Variants in ADGRL2 observed in about 807,000 individuals in gnomAD.
The protein encoded by ADGRL2 is calcium-independent alpha-latrotoxin receptor 2.
In ADGRL2, 44 loss-of-function variants were observed where a neutral mutation model predicts 157.4. The observed-to-expected ratio is 0.28, with a 90% CI of 0.22 to 0.36. The LOEUF is 0.36. Among genes scored for constraint, ADGRL2 ranks in the 10% least tolerant of loss-of-function variants. The probability of loss-of-function intolerance (pLI) is 1.00; values close to 1 mark genes in which losing one functional copy is unlikely to be tolerated. For missense variants in ADGRL2, 1,510 were observed against 1,768.9 expected, an observed-to-expected ratio of 0.85 and a Z score of 2.63; for synonymous variants, 585 against 624.7, an observed-to-expected ratio of 0.94 and a Z score of 0.95.
chr1:81,565,378 T>A (rs1008819860), intron 2 of ADGRL2, among the ~76,000 whole-genome samples: 19 of 152,184 alleles, frequency 1.2e-4, no homozygotes, highest in Non-Finnish European at 2.5e-4. Context: ...GCAATAAATA[T>A]CTTTGGAATA....
intron 2 of ADGRL2, among the ~76,000 whole-genome samples, chr1:81,496,716 T>C (rs557679923): frequency 6.6e-5 from 10 of 151,964 alleles, no homozygotes; most frequent in African/African-American, 2.4e-4. Flanking sequence ...AAAGAAATTT[T>C]ATAGTGCTTA....
chr1:81,620,720 T>A, intron 3 of ADGRL2, among the ~76,000 whole-genome samples: 1 of 152,272 alleles, frequency 6.6e-6, no homozygotes, highest in East Asian at 1.9e-4. Flanking sequence ...AGGAACAGTT[T>A]AGTTGAGGAG....
At chr1:81,454,787 A>G (rs185759615) in intron 2 of ADGRL2, among the ~76,000 whole-genome samples, 3 of 152,236 alleles carry the variant, frequency 2.0e-5, no homozygotes, top group Admixed American at 2.0e-4. Context: ...TTTCTTTTCT[A>G]TGGCCTCTGG....
rs1391241414 is a variant in ADGRL2, at chr1:81,993,542, G to C, written c.*2397G>C. Among the ~76,000 whole-genome samples, 1 of 152,020 alleles carries C rather than the reference G, an allele frequency of 6.6e-6. No homozygotes were observed. The highest frequency in any genetic ancestry group is 2.1e-4 in the South Asian group (1 of 4,822). ...ACCTAAATGGCTACTGTTCTCTAAC[G>C]TCTTTATCCTATGGATTCAATTTGG... On this transcript the variant is annotated 3_prime_UTR_variant, in exon 24 of 24. Transcript: ENST00000686636.
At chr1:81,789,347 A>G (rs983781111) in intron 2 of ADGRL2, among the ~76,000 whole-genome samples, 8 of 152,226 alleles carry the variant, frequency 5.3e-5, no homozygotes, top group Admixed American at 5.2e-4. Flanking sequence ...AAAATTCCAT[A>G]TCATCTAAGA....
intron 2 of ADGRL2, among the ~76,000 whole-genome samples, chr1:81,785,040 A>G (rs538545447): frequency 4.6e-5 from 7 of 152,256 alleles, no homozygotes; most frequent in African/African-American, 1.7e-4. Flanking sequence ...TGGGGGAAAA[A>G]AAAGAGAAAA....
At chr1:81,669,942 C>CAA (rs11389637) in intron 3 of ADGRL2, among the ~76,000 whole-genome samples, 1,318 of 87,638 alleles carry the variant, frequency 0.015, 46 homozygotes, top group East Asian at 0.088. Flanking sequence ...GACTACGTCT[C>CAA]AAAAAAAAAA....
intron 2 of ADGRL2, among the ~76,000 whole-genome samples, chr1:81,871,380 T>TGCTG (rs201960268): frequency 0.08 from 12,125 of 152,182 alleles, 709 homozygotes; most frequent in Admixed American, 0.18. Flanking sequence ...TAGTGAATAG[T>TGCTG]GCTGCAATAA....
At chr1:81,910,124 C>T (rs2094681330) in intron 3 of ADGRL2, among the ~76,000 whole-genome samples, 1 of 151,842 alleles carries the variant, frequency 6.6e-6, no homozygotes, top group Non-Finnish European at 1.5e-5. Context: ...CCTGTAATCC[C>T]AGCTACTTGG....
chr1:81,907,000 T>C lies in ADGRL2; in HGVS notation c.74-17T>C. On this transcript the variant is annotated splice_polypyrimidine_tract_variant and intron_variant, in intron 2 of 23. Transcript: ENST00000686636. ...TAAATGAGTTACAGTTTAATTTTCT[T>C]TCTTTTTTATTTTAAGGTTTCAGCA... is the stretch of plus-strand genomic sequence containing the variant. The C allele has an allele frequency of 6.3e-7, 1 of 1,595,458 alleles. No individual in the cohort carries two copies. Among genetic ancestry groups the C allele is most frequent in the Non-Finnish European group, 8.6e-7 (1 of 1,164,800 alleles).
chr1:81,312,592 C>G (rs928337672), intron 1 of ADGRL2, among the ~76,000 whole-genome samples: 3 of 152,160 alleles, frequency 2.0e-5, no homozygotes, highest in Non-Finnish European at 4.4e-5. Flanking sequence ...TAACCACATG[C>G]TAGAGGCATT....
At chr1:81,735,575 A>G (rs2084867682) in intron 1 of ADGRL2, among the ~76,000 whole-genome samples, 1 of 150,696 alleles carries the variant, frequency 6.6e-6, no homozygotes. Context: ...AGATCACTTG[A>G]GGTGAGGAGC....
At chr1:81,386,064 C>T (rs968876946) in intron 1 of ADGRL2, among the ~76,000 whole-genome samples, 3 of 152,020 alleles carry the variant, frequency 2.0e-5, no homozygotes, top group Non-Finnish European at 1.5e-5. Flanking sequence ...TTAAATAGCG[C>T]AATCTATTAG....
chr1:81,360,798 AAAC>A (rs1410949715), intron 1 of ADGRL2, among the ~76,000 whole-genome samples: 1 of 151,982 alleles, frequency 6.6e-6, no homozygotes, highest in African/African-American at 2.4e-5. Context: ...ATTTGTCCAA[AAAC>A]AACAAGTTGG....
intron 16 of ADGRL2, 143 bp from the exon 17 acceptor site, chr1:81,971,709 T>G: frequency 1.9e-6 from 1 of 514,466 alleles, no homozygotes; most frequent in East Asian, 3.1e-5. Context: ...TCAGAATTAT[T>G]AGAGGTCTTG....
chr1:81,406,734 G>C (rs1196897128), intron 1 of ADGRL2, among the ~76,000 whole-genome samples: 1 of 152,126 alleles, frequency 6.6e-6, no homozygotes, highest in East Asian at 1.9e-4. Context: ...TGCCACGAGA[G>C]CCTGGAAGTC....
upstream of ADGRL2, among the ~76,000 whole-genome samples, chr1:81,694,934 T>G (rs992630326): frequency 2.0e-5 from 3 of 152,196 alleles, no homozygotes; most frequent in Non-Finnish European, 2.9e-5. Flanking sequence ...CTTTTAGTAG[T>G]ATGTGTTATA....
chr1:81,448,137 C>CTTTTTTTTTTTTTTTTTTTTTTTTT (rs1168945231), intron 2 of ADGRL2, among the ~76,000 whole-genome samples: 26 of 83,528 alleles, frequency 3.1e-4, no homozygotes, highest in African/African-American at 4.0e-4. Context: ...TTCTTTCTTT[C>CTTTTTTTTTTTTTTTTTTTTTTTTT]TTTTTTTTTT....
At chr1:81,833,263 A>G (rs2092074173) in intron 1 of ADGRL2, among the ~76,000 whole-genome samples, 1 of 152,242 alleles carries the variant, frequency 6.6e-6, no homozygotes, top group Admixed American at 6.5e-5. Flanking sequence ...TTAGTGCATA[A>G]TAACAAGGAT....
Sources: gnomAD v4.1 joint callset for allele counts (sites outside exome capture counted in the v4.1 genomes callset) on GRCh38, gnomAD v4.1.1 for gene constraint, MANE v1.5 for transcripts, NCBI Gene and HGNC (gene_info 2026-07-23, HGNC 2026-07-21) for gene names.